NAV3: variants seen among roughly 807,000 people sequenced by gnomAD.
NAV3 encodes pore membrane and/or filament interacting like protein 1.
A neutral mutation model predicts 244.7 loss-of-function variants in NAV3; 87 were observed. The observed-to-expected ratio is 0.36, with a 90% CI of 0.30 to 0.42. The LOEUF (loss-of-function observed/expected upper bound fraction) is 0.42, where lower values mean the gene tolerates loss of function less well. Among genes scored for constraint, NAV3 ranks in the 20% least tolerant of loss-of-function variants. NAV3 has a pLI of 1.00. For synonymous variants in NAV3, 1,126 were observed against 1,042.2 expected (o/e 1.08, Z -1.55); for missense variants, 2,663 against 2,893.3 (o/e 0.92, Z 1.83).
At chr12:77,820,832 T>C (rs1267479540) in intron 2 of NAV3, among the ~76,000 whole-genome samples, 1 of 152,170 alleles carries the variant, frequency 6.6e-6, no homozygotes, top group African/African-American at 2.4e-5. Context: ...TGCCATAAGA[T>C]TTCCTTAAAG....
rs369973164 is a variant in NAV3, at chr12:77,603,403, T to C, written c.72+31137T>C. Among the ~76,000 whole-genome samples, 56 of 152,056 alleles carry C rather than the reference T, an allele frequency of 3.7e-4. 1 individual carries two copies. In the South Asian group the frequency reaches 0.011, roughly 30 times the overall value. On this transcript the variant is annotated intron_variant, in intron 2 of 8. Transcript: ENST00000550042. ...ATCATAACTTGTGGAATAATACACC[T>C]TGATCTATGGATTAATAAAAATTGA...
At chr12:77,577,417 G>A (rs1869143681) in intron 2 of NAV3, among the ~76,000 whole-genome samples, 1 of 151,972 alleles carries the variant, frequency 6.6e-6, no homozygotes, top group African/African-American at 2.4e-5. Context: ...TTTTGCACCT[G>A]GCAGCACACA....
intron 2 of NAV3, among the ~76,000 whole-genome samples, chr12:77,706,872 AAAAAAAAAAAAAAAAAAAAAACC>A (rs1169000471): frequency 2.5e-4 from 2 of 7,960 alleles, no homozygotes; most frequent in Admixed American, 1.8e-3. Context: ...CTCTGTTTCA[AAAAAAAAAAAAAAAAAAAAAACC>A]AAAAAAAAAA....
At chr12:78,069,966 G>A (rs1390945917) in intron 12 of NAV3, among the ~76,000 whole-genome samples, 1 of 151,940 alleles carries the variant, frequency 6.6e-6, no homozygotes, top group African/African-American at 2.4e-5. Context: ...TGTCAGTTAG[G>A]TTTTCCTGCT....
At chr12:77,894,453 T>G (rs1179782894) in intron 1 of NAV3, among the ~76,000 whole-genome samples, 1 of 152,206 alleles carries the variant, frequency 6.6e-6, no homozygotes, top group East Asian at 1.9e-4. Flanking sequence ...ATCTGGAATT[T>G]TATGTAAAAG....
At chr12:77,688,772 C>A (rs936773971) in intron 2 of NAV3, among the ~76,000 whole-genome samples, 2 of 151,608 alleles carry the variant, frequency 1.3e-5, no homozygotes, top group African/African-American at 4.8e-5. Flanking sequence ...GAAGGAGAGG[C>A]TCTAAAAAAC....
At chr12:78,198,747 G>T in intron 36 of NAV3, 71 bp downstream of exon 36, 3 of 886,218 alleles carry the variant, frequency 3.4e-6, no homozygotes, top group Non-Finnish European at 5.4e-6. Flanking sequence ...GGAGGGGGTT[G>T]GCATTGTTTC....
chr12:77,739,481 T>C (rs1868288812), intron 2 of NAV3, among the ~76,000 whole-genome samples: 1 of 152,170 alleles, frequency 6.6e-6, no homozygotes, highest in Admixed American at 6.5e-5. Flanking sequence ...TAGCATTTAA[T>C]CTGATGCCAC....
At position 77,766,735 on chromosome 12, in the gene NAV3, G is replaced by GTTTGTTTGTTTTTTTTT. The variant is rs1555202961; in HGVS notation, c.73-173581_73-173580insGTTTGTTTTTTTTTTTT. ...AGGATTCTAAAAAACAGGCAATTAA[G>GTTTGTTTGTTTTTTTTT]TTTTTTTTTTTTTTTTTTTTTTTTT... On this transcript the variant is annotated intron_variant, in intron 2 of 8. Coordinates refer to the NAV3 transcript ENST00000550042. Among the ~76,000 whole-genome samples the GTTTGTTTGTTTTTTTTT allele has an allele frequency of 4.5e-4, 27 of 60,514 alleles. 1 individual carries two copies. The highest frequency in any genetic ancestry group is 8.4e-4 in the South Asian group (1 of 1,190). 39.7% of individuals were successfully genotyped at this position (60,514 alleles called of 152,430 possible).
chr12:77,707,108 T>C (rs1048884678), intron 2 of NAV3, among the ~76,000 whole-genome samples: 5 of 151,664 alleles, frequency 3.3e-5, no homozygotes, highest in Non-Finnish European at 5.9e-5. Context: ...TCTAGGGTAC[T>C]GCAGGTTTGT....
At chr12:77,787,650 G>A (rs1288172705) in intron 2 of NAV3, among the ~76,000 whole-genome samples, 3 of 152,154 alleles carry the variant, frequency 2.0e-5, no homozygotes, top group African/African-American at 7.2e-5. Context: ...CTGCCCCCGT[G>A]ATTCAGTTAT....
chr12:77,650,521 T>G (rs938796705), intron 2 of NAV3, among the ~76,000 whole-genome samples: 28 of 152,296 alleles, frequency 1.8e-4, no homozygotes, highest in African/African-American at 6.5e-4. Flanking sequence ...ATTAGCCCAA[T>G]GCAGGATTTT....
At chr12:77,910,043 G>A (rs1886415602) in intron 1 of NAV3, among the ~76,000 whole-genome samples, 1 of 151,972 alleles carries the variant, frequency 6.6e-6, no homozygotes, top group Admixed American at 6.6e-5. Context: ...TACTCTCAAG[G>A]CATACTTAAA....
chr12:78,083,705 G>A lies in NAV3; in HGVS notation c.2636+24590G>A, dbSNP rs186500036. Among the ~76,000 whole-genome samples, 332 of 152,140 alleles carry A rather than the reference G, an allele frequency of 2.2e-3. 3 individuals are homozygous for A. Among genetic ancestry groups the A allele is most frequent in the African/African-American group, 7.7e-3 (321 of 41,516 alleles). On this transcript the variant is annotated intron_variant, in intron 12 of 39. Transcript: ENST00000397909. ...ACTTCACCTTCTCCATTCAAACAGG[G>A]TTGAGTATCATGCTAACAACTACCC...
At chr12:78,113,629 G>A (rs925815207) in intron 12 of NAV3, among the ~76,000 whole-genome samples, 2 of 152,126 alleles carry the variant, frequency 1.3e-5, no homozygotes, top group African/African-American at 4.8e-5. Flanking sequence ...CATACAGCAG[G>A]GGGGCCCTGG....
chr12:78,170,922 G>A (rs1957973978), intron 24 of NAV3, among the ~76,000 whole-genome samples: 1 of 151,606 alleles, frequency 6.6e-6, no homozygotes, highest in African/African-American at 2.4e-5. Context: ...ATACTTTGGG[G>A]CTTTTATTTA....
chr12:78,173,453 A>G (rs1958088504), intron 24 of NAV3, among the ~76,000 whole-genome samples: 1 of 151,690 alleles, frequency 6.6e-6, no homozygotes, highest in South Asian at 2.1e-4. Flanking sequence ...AAAGTTAATT[A>G]TTAGGAACGA....
chr12:78,044,206 G>T (rs1881364553), intron 9 of NAV3, among the ~76,000 whole-genome samples: 1 of 152,162 alleles, frequency 6.6e-6, no homozygotes, highest in South Asian at 2.1e-4. Flanking sequence ...CCCATTGCTT[G>T]TGTGTGTCAG....
At chr12:77,953,607 T>A (rs1891097982) in intron 3 of NAV3, among the ~76,000 whole-genome samples, 1 of 152,094 alleles carries the variant, frequency 6.6e-6, no homozygotes, top group Non-Finnish European at 1.5e-5. Context: ...CCAATTACTG[T>A]CCCCTATTCC....
Sources: gnomAD v4.1 joint callset for allele counts (sites outside exome capture counted in the v4.1 genomes callset) on GRCh38, gnomAD v4.1.1 for gene constraint, MANE v1.5 for transcripts, NCBI Gene and HGNC (gene_info 2026-07-23, HGNC 2026-07-21) for gene names.